The following TRIM33 variants were observed in gnomAD, a reference collection of about 807,000 sequenced individuals.
The protein encoded by TRIM33 is E3 ubiquitin-protein ligase TRIM33.
TRIM33 carries 20 observed loss-of-function variants against 125.4 expected under a neutral mutation model. That is an observed-to-expected ratio of 0.16 (90% CI 0.11 to 0.23). The LOEUF is 0.23. Ranked by LOEUF, TRIM33 falls within the 10% of genes least tolerant of loss-of-function variation. The probability of loss-of-function intolerance (pLI) is 1.00; values close to 1 mark genes in which losing one functional copy is unlikely to be tolerated. For synonymous variants in TRIM33, 564 were observed against 513.9 expected (o/e 1.10, Z -1.32); for missense variants, 920 against 1,411.4 (o/e 0.65, Z 5.58).
rs150174452 is a variant in TRIM33, at chr1:114,427,757, G to A, written c.1293C>T (p.Ser431=). 4.3e-5 allele frequency: 70 copies of A among 1,612,754 alleles called. No individual in the cohort carries two copies. The African/African-American group carries it at 6.9e-4, about 16-fold the overall frequency. The change falls in exon 7 of 20, where the codon AGC becomes AGT. Residue 431 remains serine (S), a synonymous_variant. Transcript: ENST00000358465. ...ACAGTATGTGTCTCACCAGTCGCTTGCTGTATAGTAGTGCTGTGCTGCTGC... is the reference window on the plus strand; with the variant it reads ...ACAGTATGTGTCTCACCAGTCGCTTACTGTATAGTAGTGCTGTGCTGCTGC... ...ASGSSTALLY[S]KRLITFQLRH...
chr1:114,421,238 C>T (rs1464358462), intron 11 of TRIM33, among the ~76,000 whole-genome samples, 198 bp downstream of exon 11: 2 of 151,558 alleles, frequency 1.3e-5, no homozygotes, highest in African/African-American at 4.9e-5. Context: ...AGAGGGTAGG[C>T]GGGGAATGCG....
At chr1:114,462,847 T>C (rs1180456012) in intron 4 of TRIM33, among the ~76,000 whole-genome samples, 1 of 152,104 alleles carries the variant, frequency 6.6e-6, no homozygotes, top group East Asian at 1.9e-4. Context: ...AACAAATGCA[T>C]AATATAACTC....
intron 1 of TRIM33, among the ~76,000 whole-genome samples, chr1:114,504,189 G>A (rs1652866650): frequency 6.6e-6 from 1 of 151,308 alleles, no homozygotes; most frequent in African/African-American, 2.4e-5. Context: ...TTTAAAGACA[G>A]GGTCTCACGC....
chr1:114,420,639 T>C (rs1653225636), intron 11 of TRIM33, among the ~76,000 whole-genome samples: 1 of 152,252 alleles, frequency 6.6e-6, no homozygotes, highest in Non-Finnish European at 1.5e-5. Context: ...ATATTTATAC[T>C]TAACTCTTTT....
intron 11 of TRIM33, 93 bp downstream of exon 11, chr1:114,421,343 T>A: frequency 2.5e-6 from 3 of 1,180,792 alleles, no homozygotes; most frequent in Non-Finnish European, 3.6e-6. Context: ...GAAATGTTGA[T>A]CCTGAATTAA....
chr1:114,419,726 GT>G (rs1653159587), intron 11 of TRIM33, among the ~76,000 whole-genome samples: 1 of 152,146 alleles, frequency 6.6e-6, no homozygotes, highest in Non-Finnish European at 1.5e-5. Flanking sequence ...TGTATTCAAA[GT>G]TTTCGTTAAA....
chr1:114,440,916 T>C (rs888435413), intron 4 of TRIM33, among the ~76,000 whole-genome samples: 3 of 152,236 alleles, frequency 2.0e-5, no homozygotes, highest in Admixed American at 1.3e-4. Context: ...CAACGCACAT[T>C]TTTAAAGACA....
intron 14 of TRIM33, among the ~76,000 whole-genome samples, 159 bp from the exon 15 acceptor site, chr1:114,405,918 A>G (rs1056913549): frequency 1.3e-5 from 2 of 152,214 alleles, no homozygotes; most frequent in African/African-American, 4.8e-5. Flanking sequence ...CAATAACCCC[A>G]AAATTATTCA....
intron 1 of TRIM33, among the ~76,000 whole-genome samples, chr1:114,497,571 G>C (rs1255763659): frequency 6.6e-6 from 1 of 152,172 alleles, no homozygotes; most frequent in Non-Finnish European, 1.5e-5. Flanking sequence ...AAAGTGCTGG[G>C]ATTACAGGCG....
chr1:114,507,613 T>C lies in TRIM33; in HGVS notation c.526+2938A>G, dbSNP rs77311556. Among the ~76,000 whole-genome samples, 988 of 152,300 alleles carry C rather than the reference T, an allele frequency of 6.5e-3. 21 individuals are homozygous for C. The East Asian group carries it at 0.075, about 12-fold the overall frequency. On this transcript the variant is annotated intron_variant, in intron 1 of 19. Coordinates refer to ENST00000358465, the MANE Select transcript of TRIM33 (RefSeq NM_015906.4). ...ATTTATTATTTGCCTTGGTGAGATATAAGTAAACGACTATCAGCTACATTT... is the reference window on the plus strand; with the variant it reads ...ATTTATTATTTGCCTTGGTGAGATACAAGTAAACGACTATCAGCTACATTT...
rs772001030 is a variant in TRIM33, at chr1:114,408,693, T to G, written c.2242A>C (p.Thr748Pro). Residue 748 changes from threonine to proline, a missense_variant, in exon 13 of 20, where the codon ACT (threonine) becomes CCT (proline). Thr to Pro is a conservative substitution (Grantham distance 38, BLOSUM62 -1). Transcript: ENST00000358465. The stretch of plus-strand genomic sequence containing the variant: ...TATACTCACCTGCCTCGACTGCCAG[T>G]ACTAGAAGTACTTGGGGGTCTCACA... ...TPVRPPSTSS[T>P]GSRGSCGSSG... 6.2e-7 allele frequency: 1 copy of G among 1,603,622 alleles called. No homozygotes were observed. The highest frequency in any genetic ancestry group is 1.1e-5 in the South Asian group (1 of 89,944).
In TRIM33 at chr1:114,397,012, T is replaced by C. The variant is rs980814470; in HGVS notation, c.*636A>G. 1 of 218,442 alleles carries C rather than the reference T, an allele frequency of 4.6e-6. No homozygotes were observed. Among genetic ancestry groups the C allele is most frequent in the African/African-American group, 2.2e-5 (1 of 44,512 alleles). 13.5% of individuals were successfully genotyped at this position (218,442 alleles called of 1,614,324 possible). ...AAGTTGATTAAATGATAACTAGTGG[T>C]AGTGTTTCCTAAACCCTAAGTATGA... On this transcript the variant is annotated 3_prime_UTR_variant, in exon 20 of 20. Transcript: ENST00000358465.
At chr1:114,433,766 A>G in intron 4 of TRIM33, 33 bp from the exon 5 acceptor site, 2 of 1,292,390 alleles carry the variant, frequency 1.5e-6, no homozygotes, top group African/African-American at 3.0e-5. Flanking sequence ...ATTTAAAACA[A>G]AACATTTATG....
intron 5 of TRIM33, among the ~76,000 whole-genome samples, chr1:114,433,301 G>C (rs188819467): frequency 1.1e-4 from 16 of 152,124 alleles, no homozygotes; most frequent in African/African-American, 3.9e-4. Context: ...TCTCTATACT[G>C]TATCTTCCAC....
intron 1 of TRIM33, among the ~76,000 whole-genome samples, chr1:114,509,681 G>A (rs1006715161): frequency 2.6e-5 from 4 of 152,104 alleles, no homozygotes; most frequent in Non-Finnish European, 5.9e-5. Flanking sequence ...CAAGAAACCT[G>A]TTCATGGATT....
chr1:114,485,144 G>A (rs1307630034), intron 1 of TRIM33, among the ~76,000 whole-genome samples: 1 of 152,018 alleles, frequency 6.6e-6, no homozygotes, highest in African/African-American at 2.4e-5. Context: ...CAGAGAATAG[G>A]AATTAAAAGC....
At chr1:114,456,335 G>C (rs1244213779) in intron 4 of TRIM33, among the ~76,000 whole-genome samples, 1 of 152,162 alleles carries the variant, frequency 6.6e-6, no homozygotes, top group African/African-American at 2.4e-5. Context: ...TGGACAAAAA[G>C]AAATTACCAT....
At chr1:114,474,120 C>A (rs944971081) in intron 1 of TRIM33, among the ~76,000 whole-genome samples, 3 of 152,084 alleles carry the variant, frequency 2.0e-5, no homozygotes, top group African/African-American at 7.2e-5. Context: ...AGGCGGGTCT[C>A]AATCTCCCAG....
intron 1 of TRIM33, among the ~76,000 whole-genome samples, chr1:114,465,967 C>T (rs1366384496): frequency 6.6e-6 from 1 of 151,692 alleles, no homozygotes. Context: ...CGCTTGAACC[C>T]GGGAGGTGGG....
Sources: gnomAD v4.1 joint callset for allele counts (sites outside exome capture counted in the v4.1 genomes callset) on GRCh38, gnomAD v4.1.1 for gene constraint, MANE v1.5 for transcripts, NCBI Gene and HGNC (gene_info 2026-07-23, HGNC 2026-07-21) for gene names.